Variants in CDC42BPA observed in about 807,000 individuals in gnomAD.
The protein encoded by CDC42BPA is serine/threonine-protein kinase MRCK alpha.
Under a neutral mutation model 223.5 loss-of-function variants are expected in CDC42BPA, and 80 were observed. The ratio of observed to expected loss-of-function variants is 0.36; its 90% CI spans 0.30 to 0.43. CDC42BPA has a LOEUF of 0.43. Among genes scored for constraint, CDC42BPA ranks in the 20% least tolerant of loss-of-function variants. The probability of loss-of-function intolerance (pLI) is 1.00; values close to 1 mark genes in which losing one functional copy is unlikely to be tolerated. For synonymous variants in CDC42BPA, 694 were observed against 718.6 expected, an observed-to-expected ratio of 0.97 and a Z score of 0.55; for missense variants, 1,743 against 2,099.9, an observed-to-expected ratio of 0.83 and a Z score of 3.32.
At chr1:227,300,854 T>C (rs1352911128) in intron 1 of CDC42BPA, among the ~76,000 whole-genome samples, 1 of 152,210 alleles carries the variant, frequency 6.6e-6, no homozygotes, top group Non-Finnish European at 1.5e-5. Flanking sequence ...GGCATTTCTT[T>C]GCATTTACAA....
At chr1:227,077,458 C>T (rs541718489) in intron 17 of CDC42BPA, among the ~76,000 whole-genome samples, 1 of 152,242 alleles carries the variant, frequency 6.6e-6, no homozygotes, top group Admixed American at 6.5e-5. Flanking sequence ...GGTTTCATTA[C>T]TGAAACGCTT....
intron 14 of CDC42BPA, among the ~76,000 whole-genome samples, chr1:227,101,518 C>T (rs1357002130): frequency 1.3e-5 from 2 of 152,068 alleles, no homozygotes; most frequent in Admixed American, 1.3e-4. Context: ...CTGGGACTTA[C>T]ATGATTTCTT....
chr1:227,055,889 C>T (rs1456315506), intron 21 of CDC42BPA, among the ~76,000 whole-genome samples: 2 of 150,468 alleles, frequency 1.3e-5, no homozygotes, highest in Non-Finnish European at 3.0e-5. Context: ...TTACTTAATG[C>T]TCTGTTAAAA....
At chr1:227,009,710 C>T (rs61834001) in intron 34 of CDC42BPA, among the ~76,000 whole-genome samples, 57,057 of 151,692 alleles carry the variant, frequency 0.38, 11,337 homozygotes, top group Non-Finnish European at 0.46. Context: ...GCCATCATGC[C>T]CAGTGAAAAG....
intron 16 of CDC42BPA, among the ~76,000 whole-genome samples, chr1:227,090,629 G>A (rs894632581): frequency 1.3e-5 from 2 of 152,058 alleles, no homozygotes; most frequent in East Asian, 1.9e-4. Context: ...TGGCCAACAC[G>A]GTGAAATTCC....
intron 35 of CDC42BPA, chr1:227,004,239 T>C (rs924170146): frequency 3.3e-5 from 5 of 152,230 alleles, no homozygotes; most frequent in Admixed American, 1.3e-4. Context: ...CAAGTCTTAC[T>C]GCTTTTAACT....
chr1:227,235,294 T>C (rs569992209), intron 2 of CDC42BPA: 9 of 152,274 alleles, frequency 5.9e-5, no homozygotes, highest in African/African-American at 1.9e-4. Context: ...AAAAGGCCAC[T>C]ATGGAATCAA....
intron 10 of CDC42BPA, among the ~76,000 whole-genome samples, chr1:227,134,394 T>C (rs1658066245): frequency 2.0e-5 from 3 of 152,220 alleles, no homozygotes; most frequent in Admixed American, 2.0e-4. Context: ...AACTTGGAAA[T>C]ATCTGGCGAT....
Position 227,315,869 on chromosome 1 carries a change from C to T in CDC42BPA, c.178+1136G>A, listed in dbSNP as rs1694287456. ...ATTGCTAGAAACCTTCTTATACTGG[C>T]AAATTGAATAATTAAAGTTATTACG... On this transcript the variant is annotated intron_variant, in intron 1 of 36. Transcript: ENST00000366766. Among the ~76,000 whole-genome samples the T allele has an allele frequency of 2.1e-5, 3 of 140,266 alleles. No individual in the cohort carries two copies. In the South Asian group the frequency reaches 6.7e-4, roughly 32 times the overall value. The allele number at this position is 140,266 out of a possible 152,430, so 92.0% of individuals were successfully genotyped here.
In CDC42BPA at chr1:227,317,715, C is replaced by A. The variant is rs937337247; in HGVS notation, c.-533G>T. The A allele has an allele frequency of 2.3e-5, 9 of 398,364 alleles. No homozygotes were observed. The highest frequency in any genetic ancestry group is 1.9e-4 in the African/African-American group (9 of 48,604). The allele number at this position is 398,364 out of a possible 1,614,324, so 24.7% of individuals were successfully genotyped here. A position where few individuals can be genotyped will look rare whatever the true frequency, so the allele number is the denominator to read the frequency against. Reference sequence around the variant, plus strand: ...GAAAACCAAAAATGTTGCTGCAAATCCTCCCAACCACCACTTGGATAATGC... The same window carrying A: ...GAAAACCAAAAATGTTGCTGCAAATACTCCCAACCACCACTTGGATAATGC... On this transcript the variant is annotated 5_prime_UTR_variant, in exon 1 of 37. Transcript: ENST00000366766.
intron 24 of CDC42BPA, 107 bp from the exon 25 acceptor site, chr1:227,035,714 C>T (rs993328881): frequency 5.8e-6 from 4 of 690,132 alleles, no homozygotes; most frequent in Non-Finnish European, 9.1e-6. Context: ...TGCTTATCTC[C>T]AATTTTATTT....
At chr1:227,019,301 A>G (rs894950275) in intron 32 of CDC42BPA, among the ~76,000 whole-genome samples, 4 of 152,144 alleles carry the variant, frequency 2.6e-5, no homozygotes, top group Non-Finnish European at 5.9e-5. Context: ...CAAATTTATC[A>G]TGCGATTGCA....
chr1:227,162,912 A>G (rs1664217985), intron 5 of CDC42BPA, among the ~76,000 whole-genome samples: 2 of 145,154 alleles, frequency 1.4e-5, no homozygotes, highest in African/African-American at 5.2e-5. Context: ...GTGTGTGTAT[A>G]TGTGTGTGTT....
chr1:227,101,156 C>A lies in CDC42BPA; in HGVS notation c.2085G>T (p.Lys695Asn). Reference protein sequence around the residue: ...EITKLKTDLEKKSIFYEEELS... With the variant: ...EITKLKTDLENKSIFYEEELS... ...ATTCTTCTTCATAAAAGATACTTTT[C>A]TTTTCCAAATCAGTCTTTAGTTTGG... The change falls in exon 15 of 37, where the codon AAG becomes AAT. Residue 695 changes from lysine (K) to asparagine (N), a missense_variant. This residue lies in a region of CDC42BPA where 464 missense variants were observed against 488.0 expected (regional missense o/e 0.95). Transcript: ENST00000366766. The A allele has an allele frequency of 6.3e-7, 1 of 1,588,234 alleles. No homozygotes were observed. Among genetic ancestry groups the A allele is most frequent in the South Asian group, 1.1e-5 (1 of 90,344 alleles).
At chr1:227,138,426 T>G (rs1246941506) in intron 10 of CDC42BPA, among the ~76,000 whole-genome samples, 1 of 148,958 alleles carries the variant, frequency 6.7e-6, no homozygotes, top group East Asian at 2.0e-4. Flanking sequence ...TATTCTAACA[T>G]TCAAAGGTCG....
intron 35 of CDC42BPA, 84 bp from the exon 36 acceptor site, chr1:226,995,064 C>T: frequency 7.8e-7 from 1 of 1,282,734 alleles, no homozygotes. Flanking sequence ...AGCTGACAGG[C>T]CATCCTTTGC....
At chr1:227,294,859 CAAAAAAAAAA>C (rs397983087) in intron 1 of CDC42BPA, among the ~76,000 whole-genome samples, 364 of 12,810 alleles carry the variant, frequency 0.028, 18 homozygotes, top group Non-Finnish European at 0.036. Flanking sequence ...GACTCCGTCT[CAAAAAAAAAA>C]AAAAAAAAAA....
At chr1:227,038,159 G>C (rs556750156) in intron 24 of CDC42BPA, among the ~76,000 whole-genome samples, 43 of 110,272 alleles carry the variant, frequency 3.9e-4, no homozygotes, top group African/African-American at 1.7e-3. Context: ...TGCTGCTCTG[G>C]TGATAGTGAT....
At chr1:227,145,363 G>C in intron 8 of CDC42BPA, 126 bp downstream of exon 8, 2 of 716,462 alleles carry the variant, frequency 2.8e-6, no homozygotes, top group Non-Finnish European at 4.5e-6. Context: ...CAGAAGCCAT[G>C]ATCACTGACT....
Sources: allele counts gnomAD v4.1 joint callset (sites outside exome capture counted in the v4.1 genomes callset), GRCh38; gene constraint gnomAD v4.1.1; regional missense constraint gnomAD v4.1.1; transcripts MANE v1.5; gene names NCBI Gene and HGNC (gene_info 2026-07-23, HGNC 2026-07-21).